The following DLG2 variants were observed in gnomAD, a reference collection of about 807,000 sequenced individuals.
DLG2 encodes discs large MAGUK scaffold protein 2.
Under a neutral mutation model 132.5 loss-of-function variants are expected in DLG2, and 45 were observed. The ratio of observed to expected loss-of-function variants is 0.34; its 90% CI spans 0.27 to 0.44. The LOEUF (loss-of-function observed/expected upper bound fraction) is 0.44, where lower values mean the gene tolerates loss of function less well. Ranked by LOEUF, DLG2 falls within the 20% of genes least tolerant of loss-of-function variation. DLG2 has a pLI of 1.00. For synonymous variants in DLG2, 424 were observed against 419.6 expected (o/e 1.01, Z -0.13); for missense variants, 1,045 against 1,196.9 (o/e 0.87, Z 1.87).
chr11:84,935,962 T>A (rs1370637704), intron 6 of DLG2, among the ~76,000 whole-genome samples: 1 of 152,224 alleles, frequency 6.6e-6, no homozygotes, highest in Non-Finnish European at 1.5e-5. Context: ...TTTTAGCCCT[T>A]ACTAAAATTT....
chr11:84,498,954 G>C (rs2099193906), intron 7 of DLG2, among the ~76,000 whole-genome samples: 1 of 152,174 alleles, frequency 6.6e-6, no homozygotes, highest in Non-Finnish European at 1.5e-5. Context: ...ACTGAAGGAT[G>C]AGTTGCTTAG....
chr11:85,055,613 T>C (rs1255119692), intron 6 of DLG2, among the ~76,000 whole-genome samples: 1 of 152,150 alleles, frequency 6.6e-6, no homozygotes, highest in Admixed American at 6.6e-5. Context: ...ATTCAAGATT[T>C]TGCAGTGACA....
chr11:84,431,068 C>G (rs1041238421), intron 7 of DLG2, among the ~76,000 whole-genome samples: 16 of 152,100 alleles, frequency 1.1e-4, no homozygotes, highest in African/African-American at 3.6e-4. Context: ...TATCAGGACA[C>G]TACTTATGCC....
intron 19 of DLG2, among the ~76,000 whole-genome samples, chr11:83,624,721 A>G (rs518143): frequency 0.3 from 45,934 of 152,134 alleles, 8,044 homozygotes; most frequent in East Asian, 0.5. Context: ...GTGACACTCA[A>G]GTTTTAGCAA....
intron 15 of DLG2, among the ~76,000 whole-genome samples, chr11:83,887,036 G>T (rs2068100529): frequency 6.6e-6 from 1 of 152,058 alleles, no homozygotes; most frequent in African/African-American, 2.4e-5. Context: ...ACAATTAAAA[G>T]AACTAGAAAA....
chr11:85,335,075 G>T (rs1284838324), intron 3 of DLG2, among the ~76,000 whole-genome samples: 2 of 152,090 alleles, frequency 1.3e-5, no homozygotes, highest in African/African-American at 4.8e-5. Flanking sequence ...AGACCCATAA[G>T]AACTTGTTTT....
At chr11:85,042,093 A>T (rs1300103894) in intron 6 of DLG2, among the ~76,000 whole-genome samples, 1 of 151,922 alleles carries the variant, frequency 6.6e-6, no homozygotes, top group Non-Finnish European at 1.5e-5. Context: ...TGGAAAAAAA[A>T]TAAGTTGGGT....
intron 7 of DLG2, among the ~76,000 whole-genome samples, chr11:84,425,904 G>T (rs907757649): frequency 1.3e-5 from 2 of 152,112 alleles, no homozygotes; most frequent in African/African-American, 2.4e-5. Flanking sequence ...AGCAATTAAT[G>T]CAACCACTGG....
intron 7 of DLG2, among the ~76,000 whole-genome samples, chr11:84,527,907 C>CTCTT (rs2099326528): frequency 6.7e-6 from 1 of 150,036 alleles, no homozygotes; most frequent in South Asian, 2.1e-4. Flanking sequence ...CTCTCTCTCT[C>CTCTT]TCTCTCTCTC....
At chr11:83,895,414 C>T (rs935596741) in intron 15 of DLG2, among the ~76,000 whole-genome samples, 1 of 152,180 alleles carries the variant, frequency 6.6e-6, no homozygotes, top group Non-Finnish European at 1.5e-5. Context: ...CCCGCCTCGG[C>T]TTTCCAAAGT....
chr11:83,724,933 C>G (rs1161022702), intron 18 of DLG2: 1 of 702,336 alleles, frequency 1.4e-6, no homozygotes, highest in Admixed American at 2.0e-5. Context: ...GTTCCCTCCT[C>G]CTGGTTGAGC....
intron 6 of DLG2, among the ~76,000 whole-genome samples, chr11:84,757,843 C>A (rs2067089693): frequency 6.6e-6 from 1 of 152,134 alleles, no homozygotes; most frequent in Non-Finnish European, 1.5e-5. Flanking sequence ...CAAGTCTATC[C>A]CGTGCAGCCT....
At chr11:85,350,259 G>C (rs1339840714) in intron 3 of DLG2, among the ~76,000 whole-genome samples, 2 of 152,122 alleles carry the variant, frequency 1.3e-5, no homozygotes, top group African/African-American at 2.4e-5. Context: ...TGATGCAGTT[G>C]TTTTTTTCTT....
intron 6 of DLG2, among the ~76,000 whole-genome samples, chr11:85,001,560 G>A (rs2058214148): frequency 6.6e-6 from 1 of 152,094 alleles, no homozygotes; most frequent in African/African-American, 2.4e-5. Flanking sequence ...AGTTATCAGT[G>A]ATTCTTAAGC....
Position 84,864,300 on chromosome 11 carries a change from T to C in DLG2, c.357+247361A>G, listed in dbSNP as rs544030816. Among the ~76,000 whole-genome samples the C allele has an allele frequency of 3.5e-4, 54 of 152,264 alleles. No individual in the cohort carries two copies. The South Asian group carries it at 3.7e-3, about 11-fold the overall frequency. ...TTCTCAGATACTTGCAAAGAAGCCT[T>C]AGATCTACCATATATGTCCATCTAG... On this transcript the variant is annotated intron_variant, in intron 6 of 27. Transcript: ENST00000376104.
chr11:85,500,968 C>T (rs572321553), intron 3 of DLG2, among the ~76,000 whole-genome samples: 6 of 152,286 alleles, frequency 3.9e-5, no homozygotes, highest in Non-Finnish European at 8.8e-5. Context: ...CAAGACAATC[C>T]TTGGCAGGAA....
intron 12 of DLG2, among the ~76,000 whole-genome samples, chr11:83,978,586 AC>A (rs1381869409): frequency 6.6e-6 from 1 of 152,076 alleles, no homozygotes; most frequent in Non-Finnish European, 1.5e-5. Flanking sequence ...AAACAAACAA[AC>A]AAAAATTCAG....
chr11:84,198,024 A>T (rs2154296685), intron 8 of DLG2, among the ~76,000 whole-genome samples: 1 of 152,304 alleles, frequency 6.6e-6, no homozygotes, highest in South Asian at 2.1e-4. Context: ...TCAAAACTCC[A>T]CATAATGATC....
At chr11:83,713,948 A>G (rs541901670) in intron 18 of DLG2, among the ~76,000 whole-genome samples, 10 of 152,282 alleles carry the variant, frequency 6.6e-5, no homozygotes, top group African/African-American at 1.9e-4. Context: ...TGGATGATTC[A>G]TCTCTAGAGT....
Sources: allele counts gnomAD v4.1 joint callset (sites outside exome capture counted in the v4.1 genomes callset), GRCh38; gene constraint gnomAD v4.1.1; transcripts MANE v1.5; gene names NCBI Gene and HGNC (gene_info 2026-07-23, HGNC 2026-07-21).